The following RBFOX3 variants were observed in gnomAD, a reference collection of about 807,000 sequenced individuals.
RBFOX3 encodes the protein RNA binding fox-1 homolog 3, also known as RNA binding protein fox-1 homolog 3.
RBFOX3 carries 17 observed loss-of-function variants against 48.7 expected under a neutral mutation model. That is an observed-to-expected ratio of 0.35 (90% CI 0.24 to 0.52). The LOEUF (loss-of-function observed/expected upper bound fraction) is 0.52, where lower values mean the gene tolerates loss of function less well. RBFOX3 is among the 20% of genes least tolerant of loss of function. The pLI is 0.94. For synonymous variants in RBFOX3, 212 were observed against 209.5 expected, an observed-to-expected ratio of 1.01 and a Z score of -0.10; for missense variants, 382 against 497.5, an observed-to-expected ratio of 0.77 and a Z score of 2.21.
intron 4 of RBFOX3, chr17:79,234,446 A>G (rs1020581152): frequency 3.9e-5 from 6 of 152,042 alleles, no homozygotes; most frequent in African/African-American, 1.2e-4. Context: ...AGAGTGCCCA[A>G]CTTTTCTAGT....
At chr17:79,578,239 C>T (rs1024725592) in intron 1 of RBFOX3, among the ~76,000 whole-genome samples, 14 of 152,268 alleles carry the variant, frequency 9.2e-5, no homozygotes, top group Admixed American at 2.6e-4. Context: ...AAATCAGGAG[C>T]TTTGCAACAA....
chr17:79,603,622 G>A (rs1252109538), intron 1 of RBFOX3: 1 of 152,176 alleles, frequency 6.6e-6, no homozygotes, highest in African/African-American at 2.4e-5. Context: ...CTTTTAAAGC[G>A]AGCTCTATTA....
At chr17:79,554,925 A>G (rs2091498941) in intron 1 of RBFOX3, among the ~76,000 whole-genome samples, 1 of 152,182 alleles carries the variant, frequency 6.6e-6, no homozygotes, top group Non-Finnish European at 1.5e-5. Context: ...ACCATAGAAC[A>G]TCAACGGACA....
intron 3 of RBFOX3, among the ~76,000 whole-genome samples, chr17:79,247,310 A>ATTTT (rs57539628): frequency 0.16 from 18,139 of 116,252 alleles, 2,042 homozygotes; most frequent in Middle Eastern, 0.28. Flanking sequence ...ACATAATCGT[A>ATTTT]TTTTTTTTTT....
chr17:79,207,472 T>A (rs2057666150), intron 4 of RBFOX3, among the ~76,000 whole-genome samples: 1 of 152,202 alleles, frequency 6.6e-6, no homozygotes, highest in African/African-American at 2.4e-5. Flanking sequence ...CCTGCACTGT[T>A]CCCAGCGTGG....
At chr17:79,114,068 G>C (rs1368689154) in intron 5 of RBFOX3, among the ~76,000 whole-genome samples, 1 of 152,188 alleles carries the variant, frequency 6.6e-6, no homozygotes, top group East Asian at 1.9e-4. Context: ...CCCCTCGTCT[G>C]TCCATAAGGT....
the RBFOX3 span, among the ~76,000 whole-genome samples, chr17:79,620,313 A>G: frequency 6.6e-6 from 1 of 150,864 alleles, no homozygotes; most frequent in African/African-American, 2.4e-5. Flanking sequence ...ACATGCACAA[A>G]TATGTACATA....
At chr17:79,656,666 AAGGAAAGAAGGAAGG>A in the RBFOX3 span, among the ~76,000 whole-genome samples, 5 of 133,116 alleles carry the variant, frequency 3.8e-5, no homozygotes, top group African/African-American at 1.5e-4. Context: ...GAAGAGAAGA[AAGGAAAGAAGGAAGG>A]AGGGAAGGAA....
Position 79,543,065 on chromosome 17 carries a change from C to A in RBFOX3, c.-319-60467G>T, listed in dbSNP as rs115744174. Among the ~76,000 whole-genome samples the A allele has an allele frequency of 7.4e-3, 1,128 of 152,264 alleles. 14 individuals carry two copies. The highest frequency in any genetic ancestry group is 0.026 in the African/African-American group (1,084 of 41,528). ...ATATCACAGCTGCCTCCCTCACAAC[C>A]ACAACCCCAAGCCTAAAAGACAACC... On this transcript the variant is annotated intron_variant, in intron 1 of 14. Coordinates refer to ENST00000693108, the MANE Select transcript of RBFOX3 (RefSeq NM_001350451.2).
chr17:79,272,653 C>A (rs960970942), intron 3 of RBFOX3, among the ~76,000 whole-genome samples: 3 of 152,192 alleles, frequency 2.0e-5, no homozygotes, highest in Non-Finnish European at 4.4e-5. Flanking sequence ...CCTTTGGGGA[C>A]TTCCCTGTTG....
At chr17:79,398,688 GA>G (rs1200117127) in intron 2 of RBFOX3, among the ~76,000 whole-genome samples, 1 of 152,218 alleles carries the variant, frequency 6.6e-6, no homozygotes, top group Non-Finnish European at 1.5e-5. Flanking sequence ...GAGGCTGAGA[GA>G]GCGGAATTAC....
intron 5 of RBFOX3, among the ~76,000 whole-genome samples, chr17:79,108,570 C>T (rs987061585): frequency 3.9e-5 from 6 of 152,330 alleles, no homozygotes; most frequent in Middle Eastern, 3.4e-3. Flanking sequence ...GAGGCAGAGC[C>T]GTGCCAAGGT....
At chr17:79,483,100 C>G (rs1219932154) in intron 1 of RBFOX3, among the ~76,000 whole-genome samples, 1 of 152,136 alleles carries the variant, frequency 6.6e-6, no homozygotes, top group African/African-American at 2.4e-5. Context: ...CAGCCTTCCA[C>G]TGGTGTCCTG....
the RBFOX3 span, among the ~76,000 whole-genome samples, chr17:79,616,582 A>AACAC: frequency 0.15 from 22,250 of 145,302 alleles, 3,798 homozygotes; most frequent in African/African-American, 0.43. Flanking sequence ...TCTCTATACA[A>AACAC]ACACACACAC....
Position 79,527,915 on chromosome 17 carries a change from C to A in RBFOX3, c.-319-45317G>T, listed in dbSNP as rs1002125554. 7.5e-4 allele frequency among the ~76,000 whole-genome samples: 114 copies of A among 152,316 alleles called. 1 individual carries two copies. Among genetic ancestry groups the A allele is most frequent in the Non-Finnish European group, 1.2e-3 (85 of 68,030 alleles). ...GCCGATGGAGTCCTTGCCCTCTCCG[C>A]TCCTTAACACCTTCCTCTTTCTGCC... On this transcript the variant is annotated intron_variant, in intron 1 of 14. Transcript: ENST00000693108.
Position 79,094,531 on chromosome 17 carries a change from T to C in RBFOX3, c.999-2A>G. 8.7e-7 allele frequency: 1 copy of C among 1,144,516 alleles called. No homozygotes were observed. The highest frequency in any genetic ancestry group is 1.1e-6 in the Non-Finnish European group (1 of 915,460). 70.9% of individuals were successfully genotyped at this position (1,144,516 alleles called of 1,614,324 possible). A position where few individuals can be genotyped will look rare whatever the true frequency, so the allele number is the denominator to read the frequency against. ...GCAGCTGCGTAGACTCTGCCGTAAC[T>C]AGGGAAGAGCGTGGGAGGGGGAGTG... On this transcript the variant is annotated splice_acceptor_variant, in intron 13 of 14. Coordinates refer to ENST00000693108, the MANE Select transcript of RBFOX3 (RefSeq NM_001350451.2). LOFTEE classifies it high-confidence loss of function.
chr17:79,494,762 TCAAGGACTGAACC>T (rs2081192146), intron 1 of RBFOX3, among the ~76,000 whole-genome samples: 1 of 152,018 alleles, frequency 6.6e-6, no homozygotes, highest in Non-Finnish European at 1.5e-5. Flanking sequence ...GTGAGGCCCG[TCAAGGACTGAACC>T]CAACCCTGCC....
intron 4 of RBFOX3, among the ~76,000 whole-genome samples, chr17:79,219,111 G>C (rs1289251197): frequency 6.6e-6 from 1 of 152,222 alleles, no homozygotes; most frequent in African/African-American, 2.4e-5. Context: ...CAGGGCCCTT[G>C]AGCCCTTCTC....
chr17:79,646,316 T>C, the RBFOX3 span, among the ~76,000 whole-genome samples: 1 of 152,282 alleles, frequency 6.6e-6, no homozygotes. Context: ...AAACGTGACA[T>C]GAGAAGTTTA....
Sources: allele counts gnomAD v4.1 joint callset (sites outside exome capture counted in the v4.1 genomes callset), GRCh38; gene constraint gnomAD v4.1.1; transcripts MANE v1.5; gene names NCBI Gene and HGNC (gene_info 2026-07-23, HGNC 2026-07-21).